PGCKA1: variants seen among roughly 807,000 people sequenced by gnomAD.
The protein encoded by PGCKA1 is PDCD10 and GCKIII kinases-associated protein 1.
chr4:37,564,768 A>G, the PGCKA1 span, among the ~76,000 whole-genome samples: 1 of 152,054 alleles, frequency 6.6e-6, no homozygotes, highest in Admixed American at 6.5e-5. Context: ...CGGCCTCCCA[A>G]AGTGCTGGGA....
At chr4:37,579,785 T>C in the PGCKA1 span, among the ~76,000 whole-genome samples, 1 of 152,170 alleles carries the variant, frequency 6.6e-6, no homozygotes. Flanking sequence ...TGGTGTTCTG[T>C]AACCTTCTTG....
the PGCKA1 span, among the ~76,000 whole-genome samples, chr4:37,483,725 C>G: frequency 6.6e-6 from 1 of 152,052 alleles, no homozygotes; most frequent in Non-Finnish European, 1.5e-5. Context: ...GATATGAAAC[C>G]AGCATTTCAC....
the PGCKA1 span, among the ~76,000 whole-genome samples, chr4:37,481,458 T>C: frequency 1.1e-5 from 1 of 92,910 alleles, no homozygotes; most frequent in Non-Finnish European, 2.0e-5. Context: ...GAGCAAGACC[T>C]GTCTCCAAAA....
chr4:37,484,127 C>T, the PGCKA1 span, among the ~76,000 whole-genome samples: 14 of 152,226 alleles, frequency 9.2e-5, no homozygotes, highest in South Asian at 2.7e-3. Context: ...GAAATCCTAA[C>T]CCACAAGATG....
the PGCKA1 span, among the ~76,000 whole-genome samples, chr4:37,566,277 A>T: frequency 8.8e-5 from 13 of 147,586 alleles, no homozygotes; most frequent in East Asian, 5.9e-4. Flanking sequence ...TTTTTTTTTT[A>T]TTTTATTTTT....
At chr4:37,468,908 C>T in the PGCKA1 span, among the ~76,000 whole-genome samples, 1 of 152,054 alleles carries the variant, frequency 6.6e-6, no homozygotes, top group East Asian at 1.9e-4. Context: ...AACGTTAAGC[C>T]TCATAACTAT....
the PGCKA1 span, among the ~76,000 whole-genome samples, chr4:37,496,130 T>G: frequency 6.6e-6 from 1 of 152,220 alleles, no homozygotes; most frequent in Non-Finnish European, 1.5e-5. Context: ...TAATTAGACT[T>G]CATTTGTCAA....
At chr4:37,468,041 G>A in the PGCKA1 span, among the ~76,000 whole-genome samples, 3 of 152,146 alleles carry the variant, frequency 2.0e-5, no homozygotes, top group African/African-American at 7.2e-5. Context: ...ATGAACTTTG[G>A]GTTCAGGGCA....
the PGCKA1 span, among the ~76,000 whole-genome samples, chr4:37,513,108 AAG>A: frequency 2.2e-4 from 9 of 41,732 alleles, no homozygotes; most frequent in African/African-American, 8.7e-4. Context: ...AAAAGAAAGA[AAG>A]AAAGAAAGAA....
chr4:37,532,773 G>A, the PGCKA1 span, among the ~76,000 whole-genome samples: 1 of 151,902 alleles, frequency 6.6e-6, no homozygotes, highest in Non-Finnish European at 1.5e-5. Context: ...AAAGTATGCT[G>A]ACTGCTTTTA....
the PGCKA1 span, among the ~76,000 whole-genome samples, chr4:37,511,676 G>C: frequency 2.8e-4 from 43 of 152,286 alleles, no homozygotes; most frequent in Middle Eastern, 0.014. Context: ...TGGTAGGAGG[G>C]CATGATGTAG....
the PGCKA1 span, among the ~76,000 whole-genome samples, chr4:37,569,350 A>G: frequency 6.6e-6 from 1 of 152,004 alleles, no homozygotes; most frequent in East Asian, 2.0e-4. Flanking sequence ...AGCACCTGCC[A>G]CCACGCCCAG....
the PGCKA1 span, among the ~76,000 whole-genome samples, chr4:37,474,269 T>C: frequency 1.3e-5 from 2 of 152,132 alleles, no homozygotes; most frequent in Non-Finnish European, 2.9e-5. Flanking sequence ...TCTCTTGCCT[T>C]TCTACCTTCT....
chr4:37,579,116 C>A, the PGCKA1 span, among the ~76,000 whole-genome samples: 2 of 152,116 alleles, frequency 1.3e-5, no homozygotes, highest in African/African-American at 4.8e-5. Flanking sequence ...GCATTGCTTG[C>A]ATAAACAAAC....
the PGCKA1 span, among the ~76,000 whole-genome samples, chr4:37,479,393 C>T: frequency 6.6e-6 from 1 of 151,762 alleles, no homozygotes; most frequent in Admixed American, 6.6e-5. Context: ...AATTTTTTCA[C>T]ATTGTGTTTC....
the PGCKA1 span, among the ~76,000 whole-genome samples, chr4:37,593,220 T>C: frequency 1.3e-5 from 2 of 152,240 alleles, no homozygotes; most frequent in Non-Finnish European, 1.5e-5. Flanking sequence ...GAGATTATGT[T>C]CAGTTGTATG....
chr4:37,582,033 C>T, the PGCKA1 span, among the ~76,000 whole-genome samples: 2 of 152,156 alleles, frequency 1.3e-5, no homozygotes, highest in Non-Finnish European at 2.9e-5. Context: ...GCTTTCTGCT[C>T]TGATAGGGCA....
At chr4:37,493,816 C>T in the PGCKA1 span, among the ~76,000 whole-genome samples, 3 of 152,080 alleles carry the variant, frequency 2.0e-5, no homozygotes, top group Non-Finnish European at 4.4e-5. Flanking sequence ...AAATAGGTGA[C>T]GACATGTGAA....
At chr4:37,527,285 CAAAG>C in the PGCKA1 span, among the ~76,000 whole-genome samples, 1 of 151,982 alleles carries the variant, frequency 6.6e-6, no homozygotes, top group Admixed American at 6.5e-5. Flanking sequence ...AATTTGCTAT[CAAAG>C]AAAGAAAAAT....
Sources: allele counts gnomAD v4.1 joint callset (sites outside exome capture counted in the v4.1 genomes callset), GRCh38; gene constraint gnomAD v4.1.1; transcripts MANE v1.5; gene names NCBI Gene and HGNC (gene_info 2026-07-23, HGNC 2026-07-21).